DDX31: variants seen among roughly 807,000 people sequenced by gnomAD.
DDX31 encodes ATP-dependent DNA helicase DDX31.
Under a neutral mutation model 91.3 loss-of-function variants are expected in DDX31, and 70 were observed. That is an observed-to-expected ratio of 0.77 (90% CI 0.63 to 0.94). The LOEUF is 0.94. DDX31 is among the 40% of genes least tolerant of loss of function. The probability of loss-of-function intolerance (pLI) is 0.00; values close to 1 mark genes in which losing one functional copy is unlikely to be tolerated. For synonymous variants in DDX31, 362 were observed against 350.6 expected (o/e 1.03, Z -0.36); for missense variants, 902 against 925.0 (o/e 0.98, Z 0.32).
At chr9:132,661,665 G>A (rs1240781674) in intron 3 of DDX31, among the ~76,000 whole-genome samples, 1 of 152,198 alleles carries the variant, frequency 6.6e-6, no homozygotes, top group Non-Finnish European at 1.5e-5. Context: ...AGAAGGGGTA[G>A]TAAGCTGTAA....
At position 132,648,208 on chromosome 9, in the gene DDX31, T is replaced by C. The variant is rs759471012; in HGVS notation, c.948A>G (p.Leu316=). 3 of 1,613,884 alleles carry C rather than the reference T, an allele frequency of 1.9e-6. No individual in the cohort carries two copies. Among genetic ancestry groups the C allele is most frequent in the Non-Finnish European group, 2.5e-6 (3 of 1,179,936 alleles). Residue 316 remains leucine (L), a synonymous_variant, in exon 11 of 20, where the codon CTA becomes CTG. Coordinates refer to ENST00000372159, the MANE Select transcript of DDX31 (RefSeq NM_022779.9). ...ACTCACCTTCTGTGAGTGTCGCTGA[T>C]AGCAAGACATTCTGTCGTTTTTGGC... ...AECQKRQNVL[L]SATLTEGVTR... is the part of the protein sequence containing the mutation.
chr9:132,651,463 TC>T (rs1238027208), intron 7 of DDX31, among the ~76,000 whole-genome samples: 1 of 152,242 alleles, frequency 6.6e-6, no homozygotes, highest in South Asian at 2.1e-4. Flanking sequence ...AATTTGACTC[TC>T]CTTAGAAAGA....
rs1470981115 is a variant in DDX31 at position 132,593,498 on chromosome 9, G to A, written c.*1368C>T. 2.0e-5 allele frequency: 3 copies of A among 152,152 alleles called. No individual in the cohort carries two copies. The highest frequency in any genetic ancestry group is 1.3e-4 in the Admixed American group (2 of 15,282). The allele number at this position is 152,152 out of a possible 1,614,324, so 9.4% of individuals were successfully genotyped here. ...GGGTTGTTGTTTTTTAATTATTATTGTTAGAAACGTCACCCACAGTCCCTG... is the reference window on the plus strand; with the variant it reads ...GGGTTGTTGTTTTTTAATTATTATTATTAGAAACGTCACCCACAGTCCCTG... On this transcript the variant is annotated 3_prime_UTR_variant, in exon 20 of 20. Transcript: ENST00000372159.
At chr9:132,660,086 T>C (rs1305466974) in intron 4 of DDX31, among the ~76,000 whole-genome samples, 1 of 152,058 alleles carries the variant, frequency 6.6e-6, no homozygotes, top group East Asian at 1.9e-4. Context: ...CTGTAATCCC[T>C]GCACTTTGGG....
chr9:132,596,087 T>C (rs972190207), intron 19 of DDX31, among the ~76,000 whole-genome samples: 2 of 152,260 alleles, frequency 1.3e-5, no homozygotes, highest in African/African-American at 4.8e-5. Context: ...TGTCTTAGGA[T>C]ACTATAGTGT....
intron 19 of DDX31, among the ~76,000 whole-genome samples, chr9:132,598,311 C>T (rs947568315): frequency 6.6e-6 from 1 of 152,252 alleles, no homozygotes; most frequent in Non-Finnish European, 1.5e-5. Flanking sequence ...TTCTGCCAAG[C>T]TGCAGTGCTC....
At chr9:132,664,888 G>C (rs972846649) in intron 1 of DDX31, among the ~76,000 whole-genome samples, 5 of 151,832 alleles carry the variant, frequency 3.3e-5, no homozygotes, top group African/African-American at 9.7e-5. Flanking sequence ...CCACATCCAG[G>C]ACTCCACTCT....
At chr9:132,617,066 C>G (rs527849243) in intron 18 of DDX31, among the ~76,000 whole-genome samples, 6 of 152,350 alleles carry the variant, frequency 3.9e-5, no homozygotes, top group African/African-American at 1.2e-4. Flanking sequence ...AGATCCCACA[C>G]TTCTGCTCCC....
intron 14 of DDX31, among the ~76,000 whole-genome samples, chr9:132,638,567 C>T (rs969006138): frequency 2.0e-5 from 3 of 152,206 alleles, no homozygotes; most frequent in Non-Finnish European, 4.4e-5. Flanking sequence ...TGTGAGGACT[C>T]CTCGTCTTTC....
intron 19 of DDX31, among the ~76,000 whole-genome samples, chr9:132,607,245 G>A (rs1831078201): frequency 6.6e-6 from 1 of 152,190 alleles, no homozygotes; most frequent in Non-Finnish European, 1.5e-5. Context: ...AGCATGCCCA[G>A]ATCTACTAGG....
chr9:132,600,625 G>A (rs936162550), intron 19 of DDX31, among the ~76,000 whole-genome samples: 2 of 152,072 alleles, frequency 1.3e-5, no homozygotes, highest in Non-Finnish European at 1.5e-5. Flanking sequence ...TTTAGATATG[G>A]CCGATGTTTG....
chr9:132,628,384 G>T (rs1194849307), intron 16 of DDX31, among the ~76,000 whole-genome samples: 1 of 152,138 alleles, frequency 6.6e-6, no homozygotes, highest in Non-Finnish European at 1.5e-5. Context: ...TTCTAATGCG[G>T]GATTAAAAAG....
In DDX31 at chr9:132,618,525, T is replaced by C. The variant is rs1010724474; in HGVS notation, c.1714-84A>G. On this transcript the variant is annotated intron_variant, in intron 17 of 19. Transcript: ENST00000372159. ...CAGTTTATAATAGATTTAATAACAG[T>C]AAAATCACACAGTAACCACCTAGGG... is the stretch of plus-strand genomic sequence containing the variant. 2.5e-6 allele frequency: 3 copies of C among 1,189,226 alleles called. No homozygotes were observed. The East Asian group carries it at 7.7e-5, about 31-fold the overall frequency. The allele number at this position is 1,189,226 out of a possible 1,614,324, so 73.7% of individuals were successfully genotyped here.
intron 19 of DDX31, among the ~76,000 whole-genome samples, chr9:132,605,138 C>A (rs1392872468): frequency 6.6e-6 from 1 of 152,142 alleles, no homozygotes; most frequent in Non-Finnish European, 1.5e-5. Context: ...AAGGGATTTA[C>A]CTCCTTTTCA....
intron 4 of DDX31, among the ~76,000 whole-genome samples, chr9:132,660,212 G>A (rs1834846189): frequency 6.6e-6 from 1 of 151,770 alleles, no homozygotes; most frequent in South Asian, 2.1e-4. Flanking sequence ...GCACGCACTT[G>A]TAATCCCAGC....
At chr9:132,637,164 A>ACTC (rs1833168909) in intron 14 of DDX31, among the ~76,000 whole-genome samples, 1 of 151,848 alleles carries the variant, frequency 6.6e-6, no homozygotes, top group African/African-American at 2.4e-5. Flanking sequence ...ACCCAGGGAG[A>ACTC]GGTCCCAGGG....
chr9:132,613,112 C>A (rs1166503110), intron 18 of DDX31, among the ~76,000 whole-genome samples: 3 of 152,070 alleles, frequency 2.0e-5, no homozygotes, highest in Non-Finnish European at 4.4e-5. Flanking sequence ...GAACTCCTGA[C>A]CTCAGGTGGT....
intron 6 of DDX31, among the ~76,000 whole-genome samples, chr9:132,657,552 A>G (rs543516557): frequency 6.6e-6 from 1 of 152,286 alleles, no homozygotes; most frequent in East Asian, 1.9e-4. Context: ...ACTCACGGAT[A>G]TTTTGTTTTA....
chr9:132,598,487 C>T (rs548228584), intron 19 of DDX31, among the ~76,000 whole-genome samples: 5 of 152,172 alleles, frequency 3.3e-5, no homozygotes, highest in Admixed American at 2.0e-4. Flanking sequence ...ATAAACCCCC[C>T]CTCAGTTACC....
Sources: allele counts gnomAD v4.1 joint callset (sites outside exome capture counted in the v4.1 genomes callset), GRCh38; gene constraint gnomAD v4.1.1; transcripts MANE v1.5; gene names NCBI Gene and HGNC (gene_info 2026-07-23, HGNC 2026-07-21).